Variants in DENND4A observed in about 807,000 individuals in gnomAD.
DENND4A encodes the protein DENN domain containing 4A.
DENND4A carries 70 observed loss-of-function variants against 199.3 expected under a neutral mutation model. The ratio of observed to expected loss-of-function variants is 0.35; its 90% CI spans 0.29 to 0.43. DENND4A has a LOEUF of 0.43. Ranked by LOEUF, DENND4A falls within the 20% of genes least tolerant of loss-of-function variation. The probability of loss-of-function intolerance (pLI) is 1.00; values close to 1 mark genes in which losing one functional copy is unlikely to be tolerated. For synonymous variants in DENND4A, 686 were observed against 766.9 expected, an observed-to-expected ratio of 0.89 and a Z score of 1.74; for missense variants, 1,723 against 2,255.8, an observed-to-expected ratio of 0.76 and a Z score of 4.78.
chr15:65,691,607 G>T, intron 22 of DENND4A, 96 bp from the exon 23 acceptor site: 2 of 1,278,332 alleles, frequency 1.6e-6, no homozygotes, highest in Non-Finnish European at 2.1e-6. Context: ...AATGATAATA[G>T]CAAGCACTCA....
At chr15:65,680,253 T>G (rs1287420952) in intron 23 of DENND4A, among the ~76,000 whole-genome samples, 2 of 152,230 alleles carry the variant, frequency 1.3e-5, no homozygotes, top group Non-Finnish European at 2.9e-5. Context: ...CTATACTTTC[T>G]GTATTCAGGC....
At chr15:65,678,015 C>T (rs1323775567) in intron 23 of DENND4A, among the ~76,000 whole-genome samples, 1 of 149,402 alleles carries the variant, frequency 6.7e-6, no homozygotes, top group Non-Finnish European at 1.5e-5. Flanking sequence ...GCAACCTCTG[C>T]CTCCTGGGTT....
intron 15 of DENND4A, 88 bp from the exon 16 acceptor site, chr15:65,703,096 C>T: frequency 8.4e-7 from 1 of 1,188,316 alleles, no homozygotes. Context: ...ATAATTACGA[C>T]CAATAACTTC....
At position 65,713,922 on chromosome 15, in the gene DENND4A, T is replaced by C. The variant is rs566235735; in HGVS notation, c.1953+1556A>G. ...CTTTTGGGGTGTGGCTGCATCCAGGTCCTCTCAATGTACAGAGGTAGGGAA... is the reference window on the plus strand; with the variant it reads ...CTTTTGGGGTGTGGCTGCATCCAGGCCCTCTCAATGTACAGAGGTAGGGAA... On this transcript the variant is annotated intron_variant, in intron 14 of 32. Coordinates refer to ENST00000443035, the MANE Select transcript of DENND4A (RefSeq NM_001320835.1). Among the ~76,000 whole-genome samples the C allele has an allele frequency of 2.2e-4, 34 of 152,230 alleles. No homozygotes were observed. The East Asian group carries it at 3.9e-3, about 17-fold the overall frequency.
At chr15:65,746,369 C>CTCTCTCTTTTTTT (rs2076392238) in intron 4 of DENND4A, among the ~76,000 whole-genome samples, 1 of 51,268 alleles carries the variant, frequency 2.0e-5, no homozygotes, top group African/African-American at 7.0e-5. Flanking sequence ...ACTTTTTTCT[C>CTCTCTCTTTTTTT]TTTTTTTTTT....
intron 30 of DENND4A, chr15:65,665,128 C>G (rs1430950316): frequency 1.9e-5 from 9 of 466,176 alleles, no homozygotes; most frequent in Non-Finnish European, 3.3e-5. Context: ...CAAACCAAAA[C>G]AAAAAACAAA....
At chr15:65,754,829 T>C (rs1339300497) in intron 3 of DENND4A, among the ~76,000 whole-genome samples, 2 of 152,226 alleles carry the variant, frequency 1.3e-5, no homozygotes, top group Non-Finnish European at 2.9e-5. Context: ...TATGGTACAG[T>C]TTGCTTAGCA....
chr15:65,690,770 G>A lies in DENND4A; in HGVS notation c.3824C>T (p.Ala1275Val). The A allele has an allele frequency of 3.1e-6, 5 of 1,613,392 alleles. No individual in the cohort carries two copies. The highest frequency in any genetic ancestry group is 2.2e-5 in the South Asian group (2 of 91,068). The change falls in exon 23 of 33, where the codon GCA becomes GTA. Residue 1275 changes from alanine (A) to valine (V), a missense_variant. By Grantham distance (64) the Ala-to-Val change is moderately conservative. Coordinates refer to ENST00000443035, the MANE Select transcript of DENND4A (RefSeq NM_001320835.1). The stretch of plus-strand genomic sequence containing the variant: ...TTTCTTATTTAATTTATCATCACAT[G>A]CCCGTTGTAAATCAATGCTTGGTGT... The part of the protein sequence containing the change: ...SRTPSIDLQR[A>V]CDDKLNKKSP...
Position 65,676,541 on chromosome 15 carries a change from C to T in DENND4A, c.4273G>A (p.Glu1425Lys). 1 of 1,613,708 alleles carries T rather than the reference C, an allele frequency of 6.2e-7. No individual in the cohort carries two copies. Among genetic ancestry groups the T allele is most frequent in the Non-Finnish European group, 8.5e-7 (1 of 1,179,768 alleles). Residue 1425 changes from glutamate (E) to lysine (K), a missense_variant, in exon 24 of 33, where the codon GAA becomes AAA. Glu to Lys is a moderately conservative substitution (Grantham distance 56). Transcript: ENST00000443035. ...GTCTCTTGAGAGGAGATAGGTCCTT[C>T]CAACTCATGGCAGACATCTTCATCT... The part of the protein sequence containing the change: ...LTDEDVCHEL[E>K]GPISSQETSA...
chr15:65,763,699 A>G (rs1374972667), intron 1 of DENND4A, among the ~76,000 whole-genome samples: 1 of 145,194 alleles, frequency 6.9e-6, no homozygotes, highest in Admixed American at 6.9e-5. Context: ...AAAAAAAAAA[A>G]AAAATTCGAT....
At chr15:65,729,788 T>C (rs2075905390) in intron 9 of DENND4A, 110 bp from the exon 10 acceptor site, 1 of 965,688 alleles carries the variant, frequency 1.0e-6, no homozygotes, top group Non-Finnish European at 1.5e-6. Flanking sequence ...ATTATATATG[T>C]TGATTAGGGT....
intron 15 of DENND4A, among the ~76,000 whole-genome samples, chr15:65,705,361 G>A (rs1441450720): frequency 1.3e-5 from 2 of 152,054 alleles, no homozygotes; most frequent in Non-Finnish European, 2.9e-5. Context: ...TATTATTGGA[G>A]AATTAAGAAA....
chr15:65,776,809 C>T (rs2077296031), intron 1 of DENND4A, among the ~76,000 whole-genome samples: 1 of 152,068 alleles, frequency 6.6e-6, no homozygotes, highest in East Asian at 1.9e-4. Context: ...AGACAACATG[C>T]AAAGTAAGAA....
chr15:65,694,518 C>T (rs948912183), intron 22 of DENND4A, among the ~76,000 whole-genome samples: 1 of 151,856 alleles, frequency 6.6e-6, no homozygotes, highest in African/African-American at 2.4e-5. Flanking sequence ...TAAAACATAT[C>T]TTTGTTTATT....
chr15:65,709,695 C>CAAAAAA (rs1171075195), intron 14 of DENND4A, among the ~76,000 whole-genome samples: 19 of 36,168 alleles, frequency 5.3e-4, no homozygotes, highest in Non-Finnish European at 7.0e-4. Context: ...AACTCCATCT[C>CAAAAAA]AAAAAAAAAA....
chr15:65,720,059 A>G (rs556451355), intron 12 of DENND4A, among the ~76,000 whole-genome samples: 1 of 152,320 alleles, frequency 6.6e-6, no homozygotes, highest in South Asian at 2.1e-4. Context: ...GAAACTACAT[A>G]CAACACCTGA....
At chr15:65,740,080 C>A (rs1202841641) in intron 5 of DENND4A, among the ~76,000 whole-genome samples, 1 of 152,004 alleles carries the variant, frequency 6.6e-6, no homozygotes, top group African/African-American at 2.4e-5. Context: ...ACTCGGGAGG[C>A]TGAGGCAGGA....
chr15:65,747,212 A>G (rs1158279821), intron 4 of DENND4A, among the ~76,000 whole-genome samples: 1 of 152,152 alleles, frequency 6.6e-6, no homozygotes, highest in Non-Finnish European at 1.5e-5. Flanking sequence ...AGCTACCTGG[A>G]CTAAATATTC....
In DENND4A at chr15:65,671,723, C is replaced by G. The variant is rs1336724559; in HGVS notation, c.4464+69G>C. The G allele has an allele frequency of 4.6e-6, 5 of 1,084,074 alleles. No homozygotes were observed. The East Asian group carries it at 1.2e-4, about 26-fold the overall frequency. 67.2% of individuals were successfully genotyped at this position (1,084,074 alleles called of 1,614,324 possible). A position where few individuals can be genotyped will look rare whatever the true frequency, so the allele number is the denominator to read the frequency against. ...TAACTTCTATTACTCTACCTGGGAC[C>G]ACTAATACTTAAGAAATGTGCATTT... On this transcript the variant is annotated intron_variant, in intron 25 of 32. Coordinates refer to ENST00000443035, the MANE Select transcript of DENND4A (RefSeq NM_001320835.1).
Sources: allele counts gnomAD v4.1 joint callset (sites outside exome capture counted in the v4.1 genomes callset), GRCh38; gene constraint gnomAD v4.1.1; transcripts MANE v1.5; gene names NCBI Gene and HGNC (gene_info 2026-07-23, HGNC 2026-07-21).